SEZ6L: variants seen among roughly 807,000 people sequenced by gnomAD.
SEZ6L encodes seizure related 6 homolog like.
A neutral mutation model predicts 106.2 loss-of-function variants in SEZ6L; 37 were observed. The ratio of observed to expected loss-of-function variants is 0.35; its 90% CI spans 0.27 to 0.46. The LOEUF is 0.46. Among genes scored for constraint, SEZ6L ranks in the 20% least tolerant of loss-of-function variants. The pLI, the probability that SEZ6L is intolerant of heterozygous loss-of-function variation, is 1.00. For missense variants in SEZ6L, 1,172 were observed against 1,332.8 expected, an observed-to-expected ratio of 0.88 and a Z score of 1.88; for synonymous variants, 541 against 570.4, an observed-to-expected ratio of 0.95 and a Z score of 0.73.
intron 1 of SEZ6L, among the ~76,000 whole-genome samples, chr22:26,170,201 A>G (rs1293002038): frequency 6.6e-6 from 1 of 151,556 alleles, no homozygotes; most frequent in Non-Finnish European, 1.5e-5. Context: ...TGAGGACTAG[A>G]CTCAAACAGT....
chr22:26,185,379 T>C (rs1261251563), intron 1 of SEZ6L, among the ~76,000 whole-genome samples: 1 of 152,212 alleles, frequency 6.6e-6, no homozygotes, highest in Non-Finnish European at 1.5e-5. Flanking sequence ...TTGCCAAAAA[T>C]ATGCTGTGTG....
At chr22:26,284,732 T>C (rs1185856617) in intron 1 of SEZ6L, among the ~76,000 whole-genome samples, 2 of 152,160 alleles carry the variant, frequency 1.3e-5, no homozygotes, top group Admixed American at 6.5e-5. Context: ...GTACTTTTGA[T>C]TTCTTACCTC....
intron 1 of SEZ6L, among the ~76,000 whole-genome samples, chr22:26,208,076 A>ATT (rs531181975): frequency 2.1e-5 from 3 of 145,226 alleles, no homozygotes; most frequent in South Asian, 2.2e-4. Flanking sequence ...TGCCCAGCTA[A>ATT]TTTTTTTTTT....
chr22:26,247,431 G>A (rs927390818), intron 1 of SEZ6L, among the ~76,000 whole-genome samples: 3 of 152,166 alleles, frequency 2.0e-5, no homozygotes, highest in Admixed American at 6.5e-5. Flanking sequence ...ATATTGGATT[G>A]GGGTGGGCCT....
At position 26,262,969 on chromosome 22, in the gene SEZ6L, T is replaced by A. The variant is rs546108457; in HGVS notation, c.95-29437T>A. On this transcript the variant is annotated intron_variant, in intron 1 of 16. Transcript: ENST00000248933. ...CTACATCCATTTTCCCTTCTTCCCA[T>A]AGTCTTGCCCTGCTATATTGACTAC... Among the ~76,000 whole-genome samples the A allele has an allele frequency of 1.1e-4, 16 of 152,352 alleles. No homozygotes were observed. In the South Asian group the frequency reaches 3.3e-3, roughly 32 times the overall value.
chr22:26,290,057 C>G (rs1177550555), intron 1 of SEZ6L, among the ~76,000 whole-genome samples: 1 of 152,176 alleles, frequency 6.6e-6, no homozygotes, highest in Admixed American at 6.5e-5. Flanking sequence ...TACATCAACT[C>G]GCTGAATGAT....
At chr22:26,357,882 A>G (rs1286097552) in intron 12 of SEZ6L, among the ~76,000 whole-genome samples, 2 of 152,170 alleles carry the variant, frequency 1.3e-5, no homozygotes, top group Non-Finnish European at 2.9e-5. Flanking sequence ...CCAAAACTAA[A>G]AAGAATCTGA....
intron 15 of SEZ6L, 23 bp downstream of exon 15, chr22:26,375,712 G>T (rs376861939): frequency 3.4e-5 from 53 of 1,577,300 alleles, no homozygotes; most frequent in Non-Finnish European, 4.3e-5. Context: ...TGGGGGAGAT[G>T]ACTGCCAAGC....
At chr22:26,214,103 C>T (rs569962233) in intron 1 of SEZ6L, among the ~76,000 whole-genome samples, 1 of 152,208 alleles carries the variant, frequency 6.6e-6, no homozygotes, top group Non-Finnish European at 1.5e-5. Context: ...AGGTCTGCCA[C>T]TGCAAGAGAA....
intron 1 of SEZ6L, among the ~76,000 whole-genome samples, chr22:26,212,614 G>A (rs2078193162): frequency 6.6e-6 from 1 of 152,070 alleles, no homozygotes; most frequent in Non-Finnish European, 1.5e-5. Flanking sequence ...GTAGAAATAG[G>A]GTTTCACTGT....
intron 8 of SEZ6L, 93 bp from the exon 9 acceptor site, chr22:26,313,671 C>T: frequency 1.4e-6 from 2 of 1,470,146 alleles, no homozygotes; most frequent in Non-Finnish European, 9.4e-7. Flanking sequence ...AGATTCACGG[C>T]TGTCTGACTT....
chr22:26,348,061 A>T (rs1226853338), intron 11 of SEZ6L, 148 bp downstream of exon 11: 5 of 630,376 alleles, frequency 7.9e-6, no homozygotes, highest in Non-Finnish European at 1.3e-5. Flanking sequence ...CACAAATGTC[A>T]TTTTATAGCT....
At chr22:26,356,839 C>A (rs1223539869) in intron 12 of SEZ6L, among the ~76,000 whole-genome samples, 1 of 152,036 alleles carries the variant, frequency 6.6e-6, no homozygotes, top group African/African-American at 2.4e-5. Flanking sequence ...AAAAATCCAG[C>A]TTTGCAATGA....
intron 1 of SEZ6L, among the ~76,000 whole-genome samples, chr22:26,253,750 T>C (rs1243633045): frequency 6.6e-6 from 1 of 152,212 alleles, no homozygotes; most frequent in African/African-American, 2.4e-5. Flanking sequence ...TTCCTGTGTA[T>C]GTATAAAAAA....
chr22:26,316,902 GAAGAAAGA>G (rs71322610), intron 9 of SEZ6L, among the ~76,000 whole-genome samples: 2 of 126,656 alleles, frequency 1.6e-5, no homozygotes, highest in Non-Finnish European at 3.3e-5. Context: ...GAGAAAGAAA[GAAGAAAGA>G]AAGAAAGAAA....
intron 1 of SEZ6L, among the ~76,000 whole-genome samples, chr22:26,255,512 G>A (rs7287416): frequency 0.13 from 19,064 of 152,254 alleles, 1,597 homozygotes; most frequent in East Asian, 0.35. Context: ...AGGTTTGTGA[G>A]CCTGAATCAA....
intron 13 of SEZ6L, among the ~76,000 whole-genome samples, chr22:26,367,963 C>T (rs540446708): frequency 1.3e-5 from 2 of 152,324 alleles, no homozygotes; most frequent in Admixed American, 1.3e-4. Flanking sequence ...TTGTAACACA[C>T]TAAGTAAAAT....
intron 1 of SEZ6L, among the ~76,000 whole-genome samples, chr22:26,240,930 T>G (rs919593274): frequency 2.6e-5 from 4 of 152,154 alleles, no homozygotes; most frequent in Admixed American, 6.5e-5. Flanking sequence ...CATTTGACCT[T>G]CATATCCACC....
chr22:26,382,300 T>G lies in SEZ6L; in HGVS notation c.*2005T>G, dbSNP rs146221536. 4.9e-3 allele frequency: 983 copies of G among 200,650 alleles called. 4 individuals are homozygous for G. The highest frequency in any genetic ancestry group is 7.6e-3 in the Non-Finnish European group (725 of 95,356). 12.4% of individuals were successfully genotyped at this position (200,650 alleles called of 1,614,324 possible). Reference sequence around the variant, plus strand: ...GCAGAACTCAATCCATTTTATTTGATGCTTATTCTAACCCTAACCCTGGGT... The same window carrying G: ...GCAGAACTCAATCCATTTTATTTGAGGCTTATTCTAACCCTAACCCTGGGT... On this transcript the variant is annotated 3_prime_UTR_variant, in exon 17 of 17. Coordinates refer to ENST00000248933, the MANE Select transcript of SEZ6L (RefSeq NM_021115.5).
Sources: allele counts gnomAD v4.1 joint callset (sites outside exome capture counted in the v4.1 genomes callset), GRCh38; gene constraint gnomAD v4.1.1; transcripts MANE v1.5; gene names NCBI Gene and HGNC (gene_info 2026-07-23, HGNC 2026-07-21).